Variants in ADAMTS17 observed in about 807,000 individuals in gnomAD.
ADAMTS17 encodes the protein ADAM metallopeptidase with thrombospondin type 1 motif 17, also known as A disintegrin and metalloproteinase with thrombospondin motifs 17.
In ADAMTS17, 113 loss-of-function variants were observed where a neutral mutation model predicts 141.5. The ratio of observed to expected loss-of-function variants is 0.80; its 90% confidence interval spans 0.69 to 0.93. The LOEUF is 0.93. ADAMTS17 is among the 40% of genes least tolerant of loss of function. The pLI, the probability that ADAMTS17 is intolerant of heterozygous loss-of-function variation, is 0.00. For synonymous variants in ADAMTS17, 768 were observed against 630.6 expected (o/e 1.22, Z -3.27); for missense variants, 1,659 against 1,517.9 (o/e 1.09, Z -1.54).
At chr15:100,274,951 C>A (rs1374049708) in intron 4 of ADAMTS17, among the ~76,000 whole-genome samples, 1 of 152,064 alleles carries the variant, frequency 6.6e-6, no homozygotes, top group Non-Finnish European at 1.5e-5. Context: ...TGACTTTACA[C>A]CAGCTTAACT....
intron 3 of ADAMTS17, among the ~76,000 whole-genome samples, chr15:100,304,495 G>A (rs1244123492): frequency 6.6e-6 from 1 of 152,148 alleles, no homozygotes; most frequent in East Asian, 1.9e-4. Context: ...ACTTCCCGAA[G>A]TCTTCATTCA....
intron 13 of ADAMTS17, among the ~76,000 whole-genome samples, chr15:100,112,541 G>A (rs992772172): frequency 6.6e-6 from 1 of 152,130 alleles, no homozygotes. Context: ...TTAGGTGGGA[G>A]ATTAATCTCC....
At chr15:100,191,107 A>T (rs1346769376) in intron 8 of ADAMTS17, among the ~76,000 whole-genome samples, 1 of 152,206 alleles carries the variant, frequency 6.6e-6, no homozygotes, top group Non-Finnish European at 1.5e-5. Flanking sequence ...TTCTGAGGGG[A>T]TTTCAGAATC....
intron 21 of ADAMTS17, among the ~76,000 whole-genome samples, chr15:99,975,544 C>T (rs1156903408): frequency 6.6e-6 from 1 of 152,090 alleles, no homozygotes; most frequent in Admixed American, 6.5e-5. Flanking sequence ...CCTTGTATCA[C>T]CACTGACCTG....
rs1202944616 is a variant in ADAMTS17 at position 99,973,122 on chromosome 15, T to A, written c.*1280A>T. On this transcript the variant is annotated 3_prime_UTR_variant, in exon 22 of 22. Coordinates refer to ENST00000268070, the MANE Select transcript of ADAMTS17 (RefSeq NM_139057.4). Reference sequence around the variant, plus strand: ...TCCTCTGTGCTCTCAAAGAGGCCACTCTGCTTGTCTGCTGCCAGGCGTAAG... The same window carrying A: ...TCCTCTGTGCTCTCAAAGAGGCCACACTGCTTGTCTGCTGCCAGGCGTAAG... The A allele has an allele frequency of 6.6e-6, 1 of 151,386 alleles. No homozygotes were observed. Among genetic ancestry groups the A allele is most frequent in the East Asian group, 2.0e-4 (1 of 5,128 alleles). 9.4% of individuals were successfully genotyped at this position (151,386 alleles called of 1,614,324 possible). A position where few individuals can be genotyped will look rare whatever the true frequency, so the allele number is the denominator to read the frequency against.
intron 18 of ADAMTS17, among the ~76,000 whole-genome samples, chr15:100,030,145 C>T (rs1438054456): frequency 6.6e-6 from 1 of 152,158 alleles, no homozygotes; most frequent in Non-Finnish European, 1.5e-5. Flanking sequence ...TTTTTCCCTC[C>T]CTGTTCTCAT....
chr15:100,257,719 A>G (rs11857286), intron 6 of ADAMTS17, among the ~76,000 whole-genome samples: 15,167 of 152,268 alleles, frequency 0.1, 1,535 homozygotes, highest in African/African-American at 0.26. Flanking sequence ...TGTTTAGTTA[A>G]AACAGAACAT....
rs139105684 is a variant in ADAMTS17, at chr15:100,266,399, T to G, written c.790-3964A>C. On this transcript the variant is annotated intron_variant, in intron 4 of 21. Transcript: ENST00000268070. The stretch of plus-strand genomic sequence containing the variant: ...GGAGCCTTCGCCCTCTACATGTACC[T>G]GCACAGGTGAGCGGTTTGCCAGGGA... 7.1e-3 allele frequency among the ~76,000 whole-genome samples: 1,080 copies of G among 152,318 alleles called. 12 individuals are homozygous for G. The highest frequency in any genetic ancestry group is 0.025 in the African/African-American group (1,023 of 41,560).
intron 15 of ADAMTS17, among the ~76,000 whole-genome samples, chr15:100,061,215 A>G (rs1210449419): frequency 2.0e-5 from 3 of 152,188 alleles, no homozygotes; most frequent in Non-Finnish European, 4.4e-5. Flanking sequence ...GTCTCTGGCC[A>G]TGATTGGACA....
intron 7 of ADAMTS17, among the ~76,000 whole-genome samples, chr15:100,209,330 C>T (rs2041710890): frequency 6.6e-6 from 1 of 152,176 alleles, no homozygotes; most frequent in Admixed American, 6.5e-5. Flanking sequence ...CAAAGGTCAG[C>T]CCAGGCCTCA....
chr15:100,180,532 A>AT (rs372669820), intron 8 of ADAMTS17, among the ~76,000 whole-genome samples: 1 of 151,490 alleles, frequency 6.6e-6, no homozygotes, highest in Non-Finnish European at 1.5e-5. Flanking sequence ...AAATTTTAGG[A>AT]TTTTTTTTCT....
chr15:100,097,331 C>G (rs2035824064), intron 14 of ADAMTS17, among the ~76,000 whole-genome samples: 1 of 152,200 alleles, frequency 6.6e-6, no homozygotes, highest in African/African-American at 2.4e-5. Flanking sequence ...TACTGCCCTG[C>G]ACCCCAGATT....
chr15:99,982,368 G>C (rs1398465340), intron 20 of ADAMTS17, among the ~76,000 whole-genome samples: 1 of 152,082 alleles, frequency 6.6e-6, no homozygotes, highest in Non-Finnish European at 1.5e-5. Context: ...CTGGCTCCCT[G>C]AGTTGATCAG....
intron 8 of ADAMTS17, among the ~76,000 whole-genome samples, chr15:100,186,827 G>A (rs989891665): frequency 3.3e-5 from 5 of 152,124 alleles, no homozygotes; most frequent in Non-Finnish European, 7.3e-5. Flanking sequence ...TTATTTCTGA[G>A]AGCTCACAAA....
intron 15 of ADAMTS17, among the ~76,000 whole-genome samples, chr15:100,087,677 G>C (rs1014267112): frequency 6.6e-6 from 1 of 152,160 alleles, no homozygotes; most frequent in African/African-American, 2.4e-5. Flanking sequence ...TGCAAGGCTG[G>C]TTCAACATAC....
At chr15:100,075,591 A>G (rs949336161) in intron 15 of ADAMTS17, among the ~76,000 whole-genome samples, 6 of 152,214 alleles carry the variant, frequency 3.9e-5, no homozygotes, top group Non-Finnish European at 8.8e-5. Flanking sequence ...GGGATGCTCA[A>G]AAGAGTCTTA....
intron 3 of ADAMTS17, among the ~76,000 whole-genome samples, chr15:100,303,040 G>A (rs2045096732): frequency 6.7e-6 from 1 of 150,318 alleles, no homozygotes. Flanking sequence ...GCCTGCAGAT[G>A]GCCTATTGTG....
chr15:100,279,403 A>G (rs1337244166), intron 4 of ADAMTS17, among the ~76,000 whole-genome samples: 2 of 152,194 alleles, frequency 1.3e-5, no homozygotes, highest in Non-Finnish European at 2.9e-5. Context: ...CAGCTGGCCC[A>G]AAGGCCCTGC....
At chr15:100,184,796 T>A (rs548080685) in intron 8 of ADAMTS17, among the ~76,000 whole-genome samples, 1 of 152,114 alleles carries the variant, frequency 6.6e-6, no homozygotes, top group Admixed American at 6.5e-5. Context: ...TAGCCCCCTG[T>A]CACAGCCCCT....
Sources: gnomAD v4.1 joint callset for allele counts (sites outside exome capture counted in the v4.1 genomes callset) on GRCh38, gnomAD v4.1.1 for gene constraint, MANE v1.5 for transcripts, NCBI Gene and HGNC (gene_info 2026-07-23, HGNC 2026-07-21) for gene names.